The following CYB5R3 variants were observed in gnomAD, a reference collection of about 807,000 sequenced individuals.
CYB5R3 encodes the protein NADH-cytochrome b5 reductase 3.
In CYB5R3, 28 loss-of-function variants were observed where a neutral mutation model predicts 36.5. The observed-to-expected ratio is 0.77, with a 90% CI of 0.57 to 1.05. CYB5R3 has a LOEUF of 1.05. Ranked by LOEUF, CYB5R3 falls within the 50% of genes least tolerant of loss-of-function variation. The pLI is 0.00. For synonymous variants in CYB5R3, 181 were observed against 159.8 expected, an observed-to-expected ratio of 1.13 and a Z score of -1.00; for missense variants, 474 against 408.9, an observed-to-expected ratio of 1.16 and a Z score of -1.37.
rs1929163307 is a variant in CYB5R3 at position 42,640,112 on chromosome 22, T to C, written c.22-3266A>G. On this transcript the variant is annotated intron_variant, in intron 1 of 8. Transcript: ENST00000352397. ...CCAGTCTGAGCACTACTGACTATTT[T>C]TTTCAGGCTCTGAATAGCTCTAGGG... The C allele has an allele frequency of 6.2e-7, 1 of 1,613,904 alleles. No individual in the cohort carries two copies. Among genetic ancestry groups the C allele is most frequent in the Non-Finnish European group, 8.5e-7 (1 of 1,180,024 alleles).
chr22:42,641,421 C>T (rs1929266597), intron 1 of CYB5R3, among the ~76,000 whole-genome samples: 1 of 152,136 alleles, frequency 6.6e-6, no homozygotes, highest in African/African-American at 2.4e-5. Context: ...ATTCTCCTGC[C>T]TCAACCTCCC....
intron 3 of CYB5R3, 55 bp downstream of exon 3, chr22:42,631,323 T>C: frequency 1.3e-6 from 2 of 1,486,238 alleles, no homozygotes; most frequent in Non-Finnish European, 1.8e-6. Flanking sequence ...CTCTCTGATC[T>C]AGTGCCCCAG....
intron 1 of CYB5R3, among the ~76,000 whole-genome samples, chr22:42,644,806 T>A (rs749605863): frequency 6.6e-6 from 1 of 152,192 alleles, no homozygotes; most frequent in Non-Finnish European, 1.5e-5. Context: ...TGGTGCTCCC[T>A]GGAGTTCTGT....
chr22:42,621,702 AG>A (rs1026133696), intron 8 of CYB5R3, among the ~76,000 whole-genome samples: 1 of 152,238 alleles, frequency 6.6e-6, no homozygotes, highest in African/African-American at 2.4e-5. Context: ...TGTTGCCACC[AG>A]GGGTCAGCAC....
At chr22:42,630,713 C>T (rs1928563309) in intron 4 of CYB5R3, among the ~76,000 whole-genome samples, 169 bp downstream of exon 4, 1 of 152,196 alleles carries the variant, frequency 6.6e-6, no homozygotes, top group Non-Finnish European at 1.5e-5. Context: ...TCGAGAGGGG[C>T]TCTAGAAGCC....
intron 5 of CYB5R3, 108 bp downstream of exon 5, chr22:42,628,044 A>T: frequency 6.8e-7 from 1 of 1,474,528 alleles, no homozygotes; most frequent in South Asian, 1.1e-5. Context: ...GCCTGACGAG[A>T]GTCACCCATC....
intron 1 of CYB5R3, 90 bp downstream of exon 1, chr22:42,649,205 C>T: frequency 5.4e-6 from 3 of 551,400 alleles, no homozygotes; most frequent in Non-Finnish European, 7.3e-6. Context: ...CCGGGTCCCG[C>T]GTCACCTCCC....
chr22:42,630,629 C>T (rs188208349), intron 4 of CYB5R3, among the ~76,000 whole-genome samples: 8 of 152,318 alleles, frequency 5.3e-5, no homozygotes, highest in East Asian at 3.9e-4. Context: ...GTAAAGATGA[C>T]GTGCTATTTA....
At chr22:42,638,728 T>TTAAAAAAAAAAAAAAAAAAA (rs1569324852) in intron 1 of CYB5R3, among the ~76,000 whole-genome samples, 1 of 47,488 alleles carries the variant, frequency 2.1e-5, no homozygotes, top group African/African-American at 1.1e-4. Context: ...CAAGACTCCA[T>TTAAAAAAAAAAAAAAAAAAA]AAAAAAAAAA....
At chr22:42,649,182 G>T (rs1382110414) in intron 1 of CYB5R3, 113 bp downstream of exon 1, 1 of 371,066 alleles carries the variant, frequency 2.7e-6, no homozygotes, top group Non-Finnish European at 3.9e-6. Flanking sequence ...AAGTGGGTGC[G>T]GCCGGGTGCG....
rs1246723828 is a variant in CYB5R3 at position 42,628,186 on chromosome 22, C to A, written c.429G>T (p.Arg143=). ...SMQIGDTIEF[R]GPSGLLVYQG... ...GGTAGACCAGCAGCCCACTGGGGCC[C>A]CGGAACTCAATGGTGTCTCCAATCT... Residue 143 remains arginine, a synonymous_variant, in exon 5 of 9, where the codon CGG becomes CGT. Transcript: ENST00000352397. The A allele has an allele frequency of 1.2e-6, 2 of 1,614,020 alleles. No individual in the cohort carries two copies. Among genetic ancestry groups the A allele is most frequent in the African/African-American group, 2.7e-5 (2 of 74,918 alleles).
intron 1 of CYB5R3, chr22:42,644,704 A>G: frequency 6.1e-6 from 6 of 975,738 alleles, no homozygotes; most frequent in Non-Finnish European, 7.3e-6. Flanking sequence ...GAGTCTAGGG[A>G]AAAAGTTGGC....
intron 2 of CYB5R3, among the ~76,000 whole-genome samples, chr22:42,634,817 T>C (rs1369996586): frequency 1.9e-5 from 2 of 106,166 alleles, no homozygotes; most frequent in African/African-American, 7.7e-5. Flanking sequence ...GATTGATTGA[T>C]TGATTGAGAC....
chr22:42,631,137 T>C (rs1928594959), intron 3 of CYB5R3, 149 bp from the exon 4 acceptor site: 4 of 817,162 alleles, frequency 4.9e-6, no homozygotes, highest in Non-Finnish European at 6.0e-6. Flanking sequence ...CTCCCGGGGA[T>C]TCCCCTCACG....
At chr22:42,633,980 G>A (rs980523156) in intron 2 of CYB5R3, among the ~76,000 whole-genome samples, 3 of 151,952 alleles carry the variant, frequency 2.0e-5, no homozygotes, top group Admixed American at 1.3e-4. Context: ...GGAAAATACC[G>A]TTAAAAAACA....
In CYB5R3 at chr22:42,617,927, C is replaced by T. The variant is rs986705635; in HGVS notation, c.*1846G>A. On this transcript the variant is annotated 3_prime_UTR_variant, in exon 9 of 9. Transcript: ENST00000352397. ...TCCACCATTTGAACACCCACCCACC[C>T]CAGCATGGCCAGCTCTCTCTTCCCG... is the stretch of plus-strand genomic sequence containing the variant. The T allele has an allele frequency of 6.6e-6, 1 of 152,546 alleles. No homozygotes were observed. Among genetic ancestry groups the T allele is most frequent in the Admixed American group, 6.5e-5 (1 of 15,300 alleles). 9.4% of individuals were successfully genotyped at this position (152,546 alleles called of 1,614,324 possible). A position where few individuals can be genotyped will look rare whatever the true frequency, so the allele number is the denominator to read the frequency against.
chr22:42,623,744 G>A (rs772446927), intron 8 of CYB5R3, 45 bp downstream of exon 8: 2 of 1,521,686 alleles, frequency 1.3e-6, no homozygotes, highest in African/African-American at 1.4e-5. Flanking sequence ...GTGAACTGTG[G>A]GCTGGCACCT....
At chr22:42,632,693 G>A (rs1366515129) in intron 2 of CYB5R3, 1 of 152,264 alleles carries the variant, frequency 6.6e-6, no homozygotes, top group East Asian at 1.9e-4. Flanking sequence ...TAAGGGTCAA[G>A]GTCAGACACC....
intron 8 of CYB5R3, among the ~76,000 whole-genome samples, chr22:42,622,422 A>C (rs1391450541): frequency 6.6e-6 from 1 of 152,172 alleles, no homozygotes; most frequent in African/African-American, 2.4e-5. Context: ...CTGCGGGGTC[A>C]GGTTGGCTTC....
Sources: gnomAD v4.1 joint callset for allele counts (sites outside exome capture counted in the v4.1 genomes callset) on GRCh38, gnomAD v4.1.1 for gene constraint, MANE v1.5 for transcripts, NCBI Gene and HGNC (gene_info 2026-07-23, HGNC 2026-07-21) for gene names.